The following COL24A1 variants were observed in gnomAD, a reference collection of about 807,000 sequenced individuals.
COL24A1 encodes the protein collagen type XXIV alpha 1 chain.
COL24A1 carries 224 observed loss-of-function variants against 253.9 expected under a neutral mutation model. The observed-to-expected ratio is 0.88, with a 90% CI of 0.79 to 0.99. COL24A1 has a LOEUF of 0.99. Among genes scored for constraint, COL24A1 ranks in the 50% least tolerant of loss-of-function variants. The pLI, the probability that COL24A1 is intolerant of heterozygous loss-of-function variation, is 0.00. For synonymous variants in COL24A1, 685 were observed against 673.7 expected (o/e 1.02, Z -0.26); for missense variants, 2,131 against 2,068.5 (o/e 1.03, Z -0.59).
chr1:86,073,499 G>A (rs978897843), intron 7 of COL24A1, among the ~76,000 whole-genome samples: 1 of 152,166 alleles, frequency 6.6e-6, no homozygotes. Flanking sequence ...ACGTTTGATT[G>A]GTGTACCTAA....
chr1:85,808,244 G>C (rs1672181726), intron 47 of COL24A1, among the ~76,000 whole-genome samples: 1 of 152,252 alleles, frequency 6.6e-6, no homozygotes, highest in Non-Finnish European at 1.5e-5. Context: ...TACAGGGGTA[G>C]TGATTCCTAC....
At chr1:86,136,475 CA>C (rs1650264619) in intron 2 of COL24A1, among the ~76,000 whole-genome samples, 1 of 152,000 alleles carries the variant, frequency 6.6e-6, no homozygotes, top group South Asian at 2.1e-4. Context: ...TTATTTCATT[CA>C]TTTTTTTCTA....
Position 85,935,802 on chromosome 1 carries a change from T to C in COL24A1, c.2563-24369A>G, listed in dbSNP as rs987859939. ...CCTGGGATACATAAGATAACATACG[T>C]AGAATGAATGAGTGAACAACTTAGA... On this transcript the variant is annotated intron_variant, in intron 24 of 59. Coordinates refer to ENST00000370571, the MANE Select transcript of COL24A1 (RefSeq NM_152890.7). Among the ~76,000 whole-genome samples the C allele has an allele frequency of 2.0e-5, 3 of 147,412 alleles. 1 individual carries two copies. The highest frequency in any genetic ancestry group is 7.5e-5 in the African/African-American group (3 of 40,212).
At chr1:86,105,612 C>A (rs1246780892) in intron 5 of COL24A1, among the ~76,000 whole-genome samples, 1 of 151,540 alleles carries the variant, frequency 6.6e-6, no homozygotes, top group Non-Finnish European at 1.5e-5. Context: ...GAACAGTCTC[C>A]TATGGGAGCA....
intron 19 of COL24A1, among the ~76,000 whole-genome samples, chr1:86,000,522 G>T (rs1695294550): frequency 6.6e-6 from 1 of 152,100 alleles, no homozygotes; most frequent in Admixed American, 6.5e-5. Flanking sequence ...AGATATCAAA[G>T]AAGTAAATTG....
intron 3 of COL24A1, among the ~76,000 whole-genome samples, chr1:86,116,728 A>G (rs1439687070): frequency 6.6e-6 from 1 of 152,124 alleles, no homozygotes; most frequent in African/African-American, 2.4e-5. Flanking sequence ...TCTGATATTC[A>G]TTAGATATTT....
intron 32 of COL24A1, among the ~76,000 whole-genome samples, chr1:85,883,125 T>C (rs1350103880): frequency 1.3e-5 from 2 of 152,178 alleles, no homozygotes; most frequent in African/African-American, 2.4e-5. Flanking sequence ...TTAGTTTTCA[T>C]TTGTTGTCTT....
intron 37 of COL24A1, among the ~76,000 whole-genome samples, chr1:85,866,066 C>T (rs1679757870): frequency 6.6e-6 from 1 of 152,068 alleles, no homozygotes; most frequent in Non-Finnish European, 1.5e-5. Context: ...AGTTTGAGAA[C>T]AGCCTGGCCA....
At chr1:85,793,262 C>T (rs1670483441) in intron 47 of COL24A1, among the ~76,000 whole-genome samples, 1 of 152,088 alleles carries the variant, frequency 6.6e-6, no homozygotes. Context: ...TGGGTGCTTA[C>T]AGGGAGGTAC....
intron 22 of COL24A1, among the ~76,000 whole-genome samples, chr1:85,968,740 G>A (rs1358125937): frequency 6.6e-6 from 1 of 152,054 alleles, no homozygotes; most frequent in Non-Finnish European, 1.5e-5. Context: ...TTCAAGCACT[G>A]TGTAGTACAT....
chr1:86,035,440 T>C (rs1396145112), intron 12 of COL24A1, among the ~76,000 whole-genome samples: 1 of 151,982 alleles, frequency 6.6e-6, no homozygotes, highest in African/African-American at 2.4e-5. Flanking sequence ...CATTAGTAGG[T>C]TTTCCAGAAA....
intron 43 of COL24A1, among the ~76,000 whole-genome samples, chr1:85,827,385 C>G (rs546579423): frequency 6.6e-6 from 1 of 151,088 alleles, no homozygotes; most frequent in Admixed American, 6.6e-5. Flanking sequence ...GTCTAAAATT[C>G]TCTTTTTTGG....
chr1:86,004,212 T>G (rs893467105), intron 19 of COL24A1, among the ~76,000 whole-genome samples: 1 of 152,194 alleles, frequency 6.6e-6, no homozygotes, highest in Non-Finnish European at 1.5e-5. Flanking sequence ...CCTTCCAACC[T>G]GGAAGTATCA....
rs185968096 is a variant in COL24A1 at position 85,968,096 on chromosome 1, T to C, written c.2463+2131A>G. ...CTGGATGTTTCTCTGCCTTAGATCATTGGACTCCAAATTCTTTAGTTTTGG... is the reference window on the plus strand; with the variant it reads ...CTGGATGTTTCTCTGCCTTAGATCACTGGACTCCAAATTCTTTAGTTTTGG... On this transcript the variant is annotated intron_variant, in intron 22 of 59. Transcript: ENST00000370571. Among the ~76,000 whole-genome samples the C allele has an allele frequency of 1.4e-3, 220 of 152,320 alleles. 1 individual carries two copies. Among genetic ancestry groups the C allele is most frequent in the East Asian group, 0.011 (58 of 5,180 alleles).
At chr1:85,896,266 T>C in intron 29 of COL24A1, 90 bp downstream of exon 29, 1 of 1,330,686 alleles carries the variant, frequency 7.5e-7, no homozygotes, top group African/African-American at 1.5e-5. Flanking sequence ...ACCATACTTT[T>C]GTAGGGAAAT....
intron 3 of COL24A1, among the ~76,000 whole-genome samples, chr1:86,117,548 G>T (rs1179174148): frequency 6.6e-6 from 1 of 152,018 alleles, no homozygotes; most frequent in Non-Finnish European, 1.5e-5. Flanking sequence ...ATACTGGGGG[G>T]AAAAAGAGGT....
chr1:86,060,002 A>G (rs907400362), intron 8 of COL24A1, among the ~76,000 whole-genome samples: 1 of 152,040 alleles, frequency 6.6e-6, no homozygotes, highest in African/African-American at 2.4e-5. Context: ...CACCCAGTCT[A>G]TGGTCTTTTG....
Position 85,847,709 on chromosome 1 carries a change from C to T in COL24A1, c.3418G>A (p.Gly1140Arg). The T allele has an allele frequency of 1.2e-6, 2 of 1,613,868 alleles. No individual in the cohort carries two copies. Among genetic ancestry groups the T allele is most frequent in the Non-Finnish European group, 1.7e-6 (2 of 1,179,872 alleles). ...CTGGCACCCTTAGGACCACTTTTCC[C>T]AATTTTTCCAGGAGGACCTCTGCTT... ...VGSRGPPGKIGKSGPKGARGT... is the reference protein window; with the variant it reads ...VGSRGPPGKIRKSGPKGARGT... The change falls in exon 39 of 60, where the codon GGG becomes AGG. Residue 1140 changes from glycine (G) to arginine (R), a missense_variant. By Grantham distance (125) the Gly-to-Arg change is moderately radical. Coordinates refer to ENST00000370571, the MANE Select transcript of COL24A1 (RefSeq NM_152890.7).
At position 85,875,945 on chromosome 1, in the gene COL24A1, T is replaced by C. The variant is rs541033257; in HGVS notation, c.3031-615A>G. On this transcript the variant is annotated intron_variant, in intron 33 of 59. Coordinates refer to ENST00000370571, the MANE Select transcript of COL24A1 (RefSeq NM_152890.7). ...CTCCAAGAGATATTTACCTTATTTATAAACATGCTATGTGTGCCCCTCCCT... is the reference window on the plus strand; with the variant it reads ...CTCCAAGAGATATTTACCTTATTTACAAACATGCTATGTGTGCCCCTCCCT... Among the ~76,000 whole-genome samples, 6 of 152,256 alleles carry C rather than the reference T, an allele frequency of 3.9e-5. No homozygotes were observed. In the South Asian group the frequency reaches 1.2e-3, roughly 32 times the overall value.
Sources: gnomAD v4.1 joint callset for allele counts (sites outside exome capture counted in the v4.1 genomes callset) on GRCh38, gnomAD v4.1.1 for gene constraint, MANE v1.5 for transcripts, NCBI Gene and HGNC (gene_info 2026-07-23, HGNC 2026-07-21) for gene names.